Variants in CCDC102B observed in about 807,000 individuals in gnomAD.
CCDC102B encodes the protein coiled-coil domain-containing protein 102B.
Under a neutral mutation model 57.4 loss-of-function variants are expected in CCDC102B, and 75 were observed. That is an observed-to-expected ratio of 1.31 (90% CI 1.08 to 1.58). The LOEUF (loss-of-function observed/expected upper bound fraction) is 1.58. Among genes scored for constraint, CCDC102B ranks in the 40% most tolerant of loss-of-function variants. The probability of loss-of-function intolerance (pLI) is 0.00; values close to 1 mark genes in which losing one functional copy is unlikely to be tolerated. For missense variants in CCDC102B, 636 were observed against 582.6 expected, an observed-to-expected ratio of 1.09 and a Z score of -0.94; for synonymous variants, 206 against 201.9, an observed-to-expected ratio of 1.02 and a Z score of -0.17.
chr18:69,056,658 T>C (rs192351020), downstream of CCDC102B, among the ~76,000 whole-genome samples: 24 of 151,950 alleles, frequency 1.6e-4, no homozygotes, highest in East Asian at 4.7e-3. Flanking sequence ...GATAGATAGA[T>C]AGATAGATAG....
In CCDC102B at chr18:68,905,939, G is replaced by A. The variant is rs566141844; in HGVS notation, c.1263+8511G>A. ...CTCCCAGGTAGCTGGGACTACAGGC[G>A]CCCGCCACCACGCCCGGCTAATTTT... On this transcript the variant is annotated intron_variant, in intron 6 of 7. Coordinates refer to ENST00000360242, the MANE Select transcript of CCDC102B (RefSeq NM_024781.3). Among the ~76,000 whole-genome samples the A allele has an allele frequency of 3.3e-5, 5 of 151,500 alleles. No homozygotes were observed. The East Asian group carries it at 5.9e-4, about 18-fold the overall frequency.
intron 5 of CCDC102B, among the ~76,000 whole-genome samples, chr18:68,881,656 C>G (rs541934093): frequency 6.6e-6 from 1 of 152,094 alleles, no homozygotes; most frequent in Non-Finnish European, 1.5e-5. Context: ...TGAGCTGGAA[C>G]CTTGATCTGC....
chr18:68,894,163 G>C (rs1369246009), intron 5 of CCDC102B, among the ~76,000 whole-genome samples: 1 of 151,824 alleles, frequency 6.6e-6, no homozygotes, highest in African/African-American at 2.4e-5. Context: ...TATTTTTAAA[G>C]TCATATATTC....
intron 2 of CCDC102B, among the ~76,000 whole-genome samples, chr18:68,731,146 C>T (rs558984056): frequency 8.5e-5 from 13 of 152,146 alleles, no homozygotes; most frequent in Admixed American, 2.6e-4. Context: ...GCCACCACCC[C>T]GGCTAATTTT....
intron 6 of CCDC102B, 30 bp from the exon 7 acceptor site, chr18:69,010,904 A>T: frequency 1.1e-5 from 17 of 1,523,824 alleles, no homozygotes; most frequent in Non-Finnish European, 1.4e-5. Flanking sequence ...ATAGACTATA[A>T]ATAATGTAAT....
At chr18:69,023,425 T>G (rs1399675930) in intron 7 of CCDC102B, among the ~76,000 whole-genome samples, 1 of 152,126 alleles carries the variant, frequency 6.6e-6, no homozygotes, top group East Asian at 1.9e-4. Flanking sequence ...TAATATACAG[T>G]GTTTAGTAAC....
intron 6 of CCDC102B, among the ~76,000 whole-genome samples, chr18:68,953,119 C>G (rs566068135): frequency 3.3e-4 from 50 of 152,128 alleles, no homozygotes; most frequent in African/African-American, 1.2e-3. Flanking sequence ...TCTCAGAATA[C>G]TAAGTCCAGG....
At chr18:69,016,762 A>G (rs1459281321) in intron 7 of CCDC102B, among the ~76,000 whole-genome samples, 1 of 151,996 alleles carries the variant, frequency 6.6e-6, no homozygotes, top group African/African-American at 2.4e-5. Context: ...AGGTCATTGG[A>G]TTTTTTCCCA....
rs2040279982 is a variant in CCDC102B at position 68,897,405 on chromosome 18, AT to A, written c.1242del (p.Ile414MetfsTer11). ...AAGTCCTGATTTCAAGATGTCACAA[AT>A]TGATCTGCAAGAAAAAAACCAGGTA... is the stretch of plus-strand genomic sequence containing the variant. ...SQSPDFKMSQ[I>X]DLQEKNQELL... On this transcript the variant is annotated frameshift_variant, in exon 6 of 8. Coordinates refer to ENST00000360242, the MANE Select transcript of CCDC102B (RefSeq NM_024781.3). LOFTEE classifies it high-confidence loss of function. The A allele has an allele frequency of 6.2e-7, 1 of 1,611,222 alleles. No individual in the cohort carries two copies. The highest frequency in any genetic ancestry group is 1.3e-5 in the African/African-American group (1 of 74,630).
intron 2 of CCDC102B, among the ~76,000 whole-genome samples, chr18:68,745,483 TA>T (rs1171179020): frequency 2.6e-5 from 4 of 152,170 alleles, no homozygotes; most frequent in African/African-American, 9.7e-5. Context: ...GATATAATTG[TA>T]CATATTTATG....
At chr18:68,849,908 A>C (rs2038047544) in intron 4 of CCDC102B, among the ~76,000 whole-genome samples, 1 of 152,124 alleles carries the variant, frequency 6.6e-6, no homozygotes, top group African/African-American at 2.4e-5. Context: ...TCAGGTTCTC[A>C]GAGGTTCACT....
At chr18:68,804,281 G>T (rs1485899185) in intron 1 of CCDC102B, among the ~76,000 whole-genome samples, 1 of 152,190 alleles carries the variant, frequency 6.6e-6, no homozygotes, top group African/African-American at 2.4e-5. Flanking sequence ...AGCAGGTGTA[G>T]ATGTGAGGGG....
intron 4 of CCDC102B, among the ~76,000 whole-genome samples, chr18:68,869,478 G>A (rs752355468): frequency 2.0e-5 from 3 of 152,226 alleles, no homozygotes; most frequent in African/African-American, 4.8e-5. Flanking sequence ...TAGCAGAAGC[G>A]AGTGAGAAGG....
downstream of CCDC102B, among the ~76,000 whole-genome samples, chr18:69,055,610 A>C (rs2052802985): frequency 6.6e-6 from 1 of 151,986 alleles, no homozygotes; most frequent in Non-Finnish European, 1.5e-5. Context: ...GGAGAAGCTA[A>C]ATATTAGGGT....
intron 5 of CCDC102B, among the ~76,000 whole-genome samples, chr18:68,881,523 T>G (rs1444201943): frequency 6.6e-6 from 1 of 152,176 alleles, no homozygotes; most frequent in Non-Finnish European, 1.5e-5. Flanking sequence ...AATTAACACT[T>G]GAATGGGTGC....
chr18:68,923,043 C>A (rs1010492333), intron 6 of CCDC102B, among the ~76,000 whole-genome samples: 23 of 151,958 alleles, frequency 1.5e-4, no homozygotes, highest in African/African-American at 5.3e-4. Context: ...TTGAATGGGT[C>A]AATGTGATTC....
Position 68,897,204 on chromosome 18 carries a change from G to A in CCDC102B, c.1054-15G>A, listed in dbSNP as rs769469659. The A allele has an allele frequency of 5.8e-5, 92 of 1,599,154 alleles. No individual in the cohort carries two copies. The highest frequency in any genetic ancestry group is 3.4e-4 in the Middle Eastern group (2 of 5,914). On this transcript the variant is annotated splice_polypyrimidine_tract_variant and intron_variant, in intron 5 of 7. Transcript: ENST00000360242. ...CAAATGCTGCATGCTGCTTCTTTGTGTTTTCTGTGTGTAGCTAGAGAGATT... is the reference window on the plus strand; with the variant it reads ...CAAATGCTGCATGCTGCTTCTTTGTATTTTCTGTGTGTAGCTAGAGAGATT...
In CCDC102B at chr18:69,011,090, CA is replaced by C. The variant is rs750275972; in HGVS notation, c.1425del (p.Glu476LysfsTer8). ...RVEELKQGLN[Q>X]KEDELDDSLN... ...GGAAGAACTAAAGCAGGGACTCAAT[CA>C]AAAAGAAGATGAGGTACTACTTTAT... On this transcript the variant is annotated frameshift_variant, in exon 7 of 8. Transcript: ENST00000360242. LOFTEE classifies it low-confidence loss of function (END_TRUNC). 22 of 1,612,282 alleles carry C rather than the reference CA, an allele frequency of 1.4e-5. No homozygotes were observed. Among genetic ancestry groups the C allele is most frequent in the Non-Finnish European group, 1.9e-5 (22 of 1,179,394 alleles).
At chr18:68,880,508 C>T (rs548913321) in intron 5 of CCDC102B, among the ~76,000 whole-genome samples, 89 of 152,282 alleles carry the variant, frequency 5.8e-4, no homozygotes, top group East Asian at 4.7e-3. Context: ...GCAGAGGAGG[C>T]GCCGAGAGCC....
Sources: gnomAD v4.1 joint callset for allele counts (sites outside exome capture counted in the v4.1 genomes callset) on GRCh38, gnomAD v4.1.1 for gene constraint, MANE v1.5 for transcripts, NCBI Gene and HGNC (gene_info 2026-07-23, HGNC 2026-07-21) for gene names.